The following ARPP21 variants were observed in gnomAD, a reference collection of about 807,000 sequenced individuals.
The protein encoded by ARPP21 is cAMP-regulated phosphoprotein 21.
ARPP21 carries 69 observed loss-of-function variants against 113.2 expected under a neutral mutation model. The ratio of observed to expected loss-of-function variants is 0.61; its 90% CI spans 0.50 to 0.74. The LOEUF is 0.74. Among genes scored for constraint, ARPP21 ranks in the 30% least tolerant of loss-of-function variants. The pLI is 0.00. For synonymous variants in ARPP21, 368 were observed against 375.5 expected (o/e 0.98, Z 0.23); for missense variants, 1,070 against 1,037.4 (o/e 1.03, Z -0.43).
At chr3:35,649,900 G>T (rs1701731604) in intron 1 of ARPP21, among the ~76,000 whole-genome samples, 2 of 152,106 alleles carry the variant, frequency 1.3e-5, no homozygotes, top group South Asian at 4.1e-4. Flanking sequence ...AAAGGAAGGG[G>T]TCCAGATGAT....
rs548035973 is a variant in ARPP21 at position 35,719,411 on chromosome 3, T to C, written c.995+2054T>C. Among the ~76,000 whole-genome samples the C allele has an allele frequency of 3.3e-5, 5 of 152,304 alleles. No individual in the cohort carries two copies. In the Middle Eastern group the frequency reaches 0.01, roughly 311 times the overall value. On this transcript the variant is annotated intron_variant, in intron 13 of 20. Transcript: ENST00000684406. ...AGGACAGTGATCTGAGCTAGTGAGGTAGAGGTAGAGAAGTTAAAGAAATCT... is the reference window on the plus strand; with the variant it reads ...AGGACAGTGATCTGAGCTAGTGAGGCAGAGGTAGAGAAGTTAAAGAAATCT...
intron 11 of ARPP21, 138 bp from the exon 12 acceptor site, chr3:35,715,301 T>C (rs1027552033): frequency 3.2e-5 from 22 of 686,106 alleles, no homozygotes; most frequent in Admixed American, 8.1e-5. Context: ...TTTTCCTTTT[T>C]TATTTCTATC....
In ARPP21 at chr3:35,712,568, G is replaced by A. The variant is rs1188928152; in HGVS notation, c.898-2871G>A. The stretch of plus-strand genomic sequence containing the variant: ...TGTGTGTGTGTGTGTGTGTGAAAGA[G>A]AGAGAGTGTGTGTGTGTATGTGTTT... On this transcript the variant is annotated intron_variant, in intron 11 of 20. Transcript: ENST00000684406. Among the ~76,000 whole-genome samples the A allele has an allele frequency of 4.0e-5, 6 of 150,390 alleles. No individual in the cohort carries two copies. The East Asian group carries it at 7.8e-4, about 20-fold the overall frequency.
At chr3:35,672,639 C>G (rs1390744949) in intron 1 of ARPP21, among the ~76,000 whole-genome samples, 3 of 151,968 alleles carry the variant, frequency 2.0e-5, no homozygotes, top group African/African-American at 7.2e-5. Context: ...TAGAGATACA[C>G]AAAATAGGCA....
At chr3:35,773,383 G>A (rs762385418) in intron 19 of ARPP21, among the ~76,000 whole-genome samples, 11 of 152,110 alleles carry the variant, frequency 7.2e-5, no homozygotes, top group East Asian at 1.9e-4. Flanking sequence ...AGTAACTGCC[G>A]TAGGATATAC....
intron 5 of ARPP21, chr3:35,684,526 T>A (rs1171101518): frequency 1.0e-6 from 1 of 985,510 alleles, no homozygotes; most frequent in African/African-American, 1.7e-5. Flanking sequence ...TCAGGCATCA[T>A]ATTAGCTTTT....
At chr3:35,791,710 T>C (rs2096751213) in intron 19 of ARPP21, among the ~76,000 whole-genome samples, 1 of 152,164 alleles carries the variant, frequency 6.6e-6, no homozygotes. Context: ...TTATCTATTA[T>C]ATGTATTAAT....
At chr3:35,786,428 A>G (rs746772666) in intron 19 of ARPP21, among the ~76,000 whole-genome samples, 5 of 151,718 alleles carry the variant, frequency 3.3e-5, no homozygotes, top group Admixed American at 6.6e-5. Context: ...AGGCTGAGGC[A>G]GGAGGAGGAG....
Position 35,793,710 on chromosome 3 carries a change from A to G in ARPP21, c.2296A>G (p.Thr766Ala), listed in dbSNP as rs970473684. The G allele has an allele frequency of 6.2e-7, 1 of 1,613,452 alleles. No individual in the cohort carries two copies. Among genetic ancestry groups the G allele is most frequent in the African/African-American group, 1.3e-5 (1 of 74,888 alleles). Reference sequence around the variant, plus strand: ...TTGTGTCTTTTTACAGGTGCCAATGACCCAGGGTTCTCAAGGACTGCCCCA... The same window carrying G: ...TTGTGTCTTTTTACAGGTGCCAATGGCCCAGGGTTCTCAAGGACTGCCCCA... The part of the protein sequence containing the change: ...PTMSSYQVPM[T>A]QGSQGLPQQS... The change falls in exon 21 of 21, where the codon ACC (threonine) becomes GCC (alanine). Residue 766 changes from threonine to alanine, a missense_variant. Physicochemically the swap from Thr to Ala is moderately conservative, Grantham distance 58 (BLOSUM62 0). Transcript: ENST00000684406.
intron 14 of ARPP21, among the ~76,000 whole-genome samples, chr3:35,728,186 T>C (rs1238297604): frequency 7.2e-6 from 1 of 139,492 alleles, no homozygotes; most frequent in Non-Finnish European, 1.5e-5. Flanking sequence ...ATAATAATAA[T>C]AATGCCCACC....
intron 19 of ARPP21, among the ~76,000 whole-genome samples, chr3:35,759,603 A>T (rs2095687772): frequency 6.6e-6 from 1 of 152,102 alleles, no homozygotes; most frequent in African/African-American, 2.4e-5. Flanking sequence ...AGTAGAAAAA[A>T]CAAAAGAATT....
chr3:35,664,373 G>C (rs377358781), intron 1 of ARPP21, among the ~76,000 whole-genome samples: 1 of 152,088 alleles, frequency 6.6e-6, no homozygotes, highest in African/African-American at 2.4e-5. Context: ...TTACCCTATA[G>C]AGCAATTTCT....
intron 3 of ARPP21, chr3:35,682,553 G>A (rs1024719109): frequency 4.3e-5 from 14 of 326,758 alleles, no homozygotes; most frequent in African/African-American, 3.0e-4. Flanking sequence ...AGTTAACAAA[G>A]GCAGATAACT....
At chr3:35,778,233 T>A (rs992578999) in intron 19 of ARPP21, among the ~76,000 whole-genome samples, 5 of 151,758 alleles carry the variant, frequency 3.3e-5, no homozygotes, top group African/African-American at 1.2e-4. Flanking sequence ...GGAAGGGGAG[T>A]GCTGGTTATT....
rs2079837037 is a variant in ARPP21, at chr3:35,684,145, T to A, written c.261+330T>A. 4 of 1,439,290 alleles carry A rather than the reference T, an allele frequency of 2.8e-6. No homozygotes were observed. The Admixed American group carries it at 1.1e-4, about 39-fold the overall frequency. The allele number at this position is 1,439,290 out of a possible 1,614,324, so 89.2% of individuals were successfully genotyped here. On this transcript the variant is annotated intron_variant, in intron 5 of 20. Coordinates refer to ENST00000684406, the MANE Select transcript of ARPP21 (RefSeq NM_001385562.1). ...TCTTTTGATAAGGCTGAACCAAATA[T>A]AATCCCAAGTATCCTCTCTCCTTCC...
chr3:35,654,586 A>G (rs947867076), intron 1 of ARPP21, among the ~76,000 whole-genome samples: 10 of 152,050 alleles, frequency 6.6e-5, no homozygotes, highest in Non-Finnish European at 1.0e-4. Context: ...TTTGTCCTCA[A>G]TTTGTTTTCT....
At chr3:35,764,098 A>G (rs1453322565) in intron 19 of ARPP21, among the ~76,000 whole-genome samples, 1 of 152,172 alleles carries the variant, frequency 6.6e-6, no homozygotes, top group Non-Finnish European at 1.5e-5. Context: ...TTTAGAAAGA[A>G]TAACCTGTTT....
At chr3:35,710,329 C>G (rs1387031607) in intron 11 of ARPP21, among the ~76,000 whole-genome samples, 1 of 151,950 alleles carries the variant, frequency 6.6e-6, no homozygotes, top group South Asian at 2.1e-4. Context: ...CAAAATACAG[C>G]CTGACATATG....
intron 13 of ARPP21, among the ~76,000 whole-genome samples, chr3:35,717,946 T>C (rs1379893648): frequency 6.6e-6 from 1 of 152,102 alleles, no homozygotes; most frequent in African/African-American, 2.4e-5. Context: ...ACCATACCCA[T>C]TTTCTCACTG....
Sources: allele counts gnomAD v4.1 joint callset (sites outside exome capture counted in the v4.1 genomes callset), GRCh38; gene constraint gnomAD v4.1.1; transcripts MANE v1.5; gene names NCBI Gene and HGNC (gene_info 2026-07-23, HGNC 2026-07-21).